Variants in SLC7A2 observed in about 807,000 individuals in gnomAD.
SLC7A2 encodes solute carrier family 7 member 2.
A neutral mutation model predicts 58.9 loss-of-function variants in SLC7A2; 48 were observed. The ratio of observed to expected loss-of-function variants is 0.82; its 90% confidence interval spans 0.65 to 1.04. SLC7A2 has a LOEUF of 1.04. Among genes scored for constraint, SLC7A2 ranks in the 50% least tolerant of loss-of-function variants. The pLI is 0.00. For synonymous variants in SLC7A2, 363 were observed against 314.5 expected (o/e 1.15, Z -1.63); for missense variants, 1,029 against 818.8 (o/e 1.26, Z -3.13).
At position 17,514,739 on chromosome 8, in the gene SLC7A2, C is replaced by A. The variant is rs118009651; in HGVS notation, c.-23+12437C>A. On this transcript the variant is annotated intron_variant, in intron 2 of 12. Coordinates refer to ENST00000494857, the MANE Select transcript of SLC7A2 (RefSeq NM_001370338.1). ...GAAATGTTCAATAAAGGCCTCATTC[C>A]TAAGCAGATTCTACTTGTTCAAGTT... Among the ~76,000 whole-genome samples, 229 of 152,288 alleles carry A rather than the reference C, an allele frequency of 1.5e-3. 3 individuals carry two copies. The highest frequency in any genetic ancestry group is 2.2e-3 in the Admixed American group (34 of 15,284).
At chr8:17,546,081 G>T (rs1802159835) in intron 4 of SLC7A2, among the ~76,000 whole-genome samples, 1 of 152,154 alleles carries the variant, frequency 6.6e-6, no homozygotes, top group African/African-American at 2.4e-5. Context: ...ACAAAGAATT[G>T]ATTTTTGTTT....
At position 17,543,370 on chromosome 8, in the gene SLC7A2, G is replaced by A. The variant is rs1315887198; in HGVS notation, c.31G>A (p.Ala11Thr). The change falls in exon 3 of 13, where the codon GCC (alanine) becomes ACC (threonine). Residue 11 changes from alanine (A) to threonine (T), a missense_variant. Transcript: ENST00000494857. ...TCCTTGCAGAGCCGCGCTGACCTTT[G>A]CCCGATGTCTGATCCGGAGAAAAAT... MIPCRAALTFARCLIRRKIVT... is the reference protein window; with the variant it reads MIPCRAALTFTRCLIRRKIVT... 1.9e-6 allele frequency: 3 copies of A among 1,614,044 alleles called. No homozygotes were observed. The highest frequency in any genetic ancestry group is 2.5e-6 in the Non-Finnish European group (3 of 1,179,994).
intron 7 of SLC7A2, among the ~76,000 whole-genome samples, chr8:17,552,697 A>T (rs1802510908): frequency 6.6e-6 from 1 of 152,012 alleles, no homozygotes; most frequent in African/African-American, 2.4e-5. Context: ...AGGGTCATTG[A>T]ATCCCAAGTT....
intron 2 of SLC7A2, chr8:17,538,733 A>T (rs1801779571): frequency 1.3e-6 from 2 of 1,496,394 alleles, no homozygotes; most frequent in South Asian, 1.2e-5. Flanking sequence ...TATGGTAAAG[A>T]TCCCTACTTA....
intron 2 of SLC7A2, among the ~76,000 whole-genome samples, chr8:17,534,173 A>G (rs1801569295): frequency 6.6e-6 from 1 of 152,162 alleles, no homozygotes. Flanking sequence ...ATTGATGGGC[A>G]CAGGCTATTT....
intron 2 of SLC7A2, among the ~76,000 whole-genome samples, chr8:17,521,957 A>G (rs147502744): frequency 6.0e-4 from 92 of 152,326 alleles, no homozygotes; most frequent in Non-Finnish European, 1.2e-3. Flanking sequence ...AACAGAGGCT[A>G]CAGAATCTTA....
chr8:17,501,346 A>C (rs1475031375), intron 1 of SLC7A2, among the ~76,000 whole-genome samples: 1 of 152,152 alleles, frequency 6.6e-6, no homozygotes, highest in Non-Finnish European at 1.5e-5. Context: ...AATATTTCTG[A>C]GAAAGGCCTC....
intron 2 of SLC7A2, among the ~76,000 whole-genome samples, chr8:17,540,816 T>TA (rs1306036268): frequency 1.3e-5 from 2 of 152,172 alleles, no homozygotes; most frequent in South Asian, 2.1e-4. Context: ...AAAAAGGATT[T>TA]AAAAAAAGTT....
At position 17,552,944 on chromosome 8, in the gene SLC7A2, T is replaced by A. The variant is rs75019152; in HGVS notation, c.1055+958T>A. ...TAGAAAAAGAAGTCTTTTAGTGTAA[T>A]TCACCAGCCTAGCTTTATTTTTTCC... On this transcript the variant is annotated intron_variant, in intron 7 of 12. Transcript: ENST00000494857. 1.0e-3 allele frequency among the ~76,000 whole-genome samples: 156 copies of A among 152,360 alleles called. 1 individual carries two copies. The East Asian group carries it at 0.026, about 26-fold the overall frequency.
At chr8:17,559,743 G>GACACAGCCAAACCATA (rs1252506723) in intron 9 of SLC7A2, among the ~76,000 whole-genome samples, 2 of 152,146 alleles carry the variant, frequency 1.3e-5, no homozygotes, top group Admixed American at 1.3e-4. Context: ...TTTGGGTGGG[G>GACACAGCCAAACCATA]ACACAGCCAA....
intron 8 of SLC7A2, 161 bp downstream of exon 8, chr8:17,554,860 C>G (rs1001640716): frequency 5.4e-6 from 8 of 1,490,098 alleles, no homozygotes; most frequent in African/African-American, 1.4e-5. Context: ...TCTGCATTTT[C>G]GTGTGTCCAG....
rs73666174 is a variant in SLC7A2, at chr8:17,512,163, G to A, written c.-23+9861G>A. Among the ~76,000 whole-genome samples the A allele has an allele frequency of 2.0e-3, 302 of 152,118 alleles. 2 individuals are homozygous for A. The highest frequency in any genetic ancestry group is 6.9e-3 in the African/African-American group (287 of 41,506). On this transcript the variant is annotated intron_variant, in intron 2 of 12. Transcript: ENST00000494857. ...TATATCGTATGTCAGGCTTTAATTC[G>A]TGTTTCTCTGTCTCTCTATGTGGAG...
intron 2 of SLC7A2, among the ~76,000 whole-genome samples, chr8:17,509,388 C>G (rs1356530561): frequency 6.6e-6 from 1 of 152,094 alleles, no homozygotes; most frequent in Non-Finnish European, 1.5e-5. Context: ...TCATTGCAAC[C>G]TCCGCCTCCC....
In SLC7A2 at chr8:17,551,750, T is replaced by G. The variant is rs1237658785; in HGVS notation, c.833-14T>G. 4 of 1,587,462 alleles carry G rather than the reference T, an allele frequency of 2.5e-6. No homozygotes were observed. The highest frequency in any genetic ancestry group is 3.5e-6 in the Non-Finnish European group (4 of 1,155,998). On this transcript the variant is annotated splice_polypyrimidine_tract_variant and intron_variant, in intron 6 of 12. Transcript: ENST00000494857. ...TTTATTAAGCATACACATCTTTTGT[T>G]TATATTTCCTTAGGTGAAGAAGTTC...
intron 10 of SLC7A2, 36 bp from the exon 11 acceptor site, chr8:17,561,908 G>C: frequency 6.2e-7 from 1 of 1,606,512 alleles, no homozygotes; most frequent in Non-Finnish European, 8.5e-7. Flanking sequence ...GTGGAGCACA[G>C]TGTGCTGACT....
At chr8:17,549,008 C>T (rs896869684) in intron 5 of SLC7A2, among the ~76,000 whole-genome samples, 165 bp downstream of exon 5, 1 of 148,184 alleles carries the variant, frequency 6.7e-6, no homozygotes, top group African/African-American at 2.4e-5. Flanking sequence ...GCTGGGGAAG[C>T]CTCACAATCG....
At chr8:17,495,644 G>A (rs373570970), upstream of SLC7A2, among the ~76,000 whole-genome samples, 1 of 152,242 alleles carries the variant, frequency 6.6e-6, no homozygotes, top group East Asian at 1.9e-4. Context: ...CCGCCTCCTG[G>A]GCTCAAGCGA....
intron 2 of SLC7A2, among the ~76,000 whole-genome samples, chr8:17,505,755 T>G (rs1296596492): frequency 6.6e-6 from 1 of 152,216 alleles, no homozygotes; most frequent in African/African-American, 2.4e-5. Context: ...ATTTGAAATC[T>G]AATCTTGCCA....
chr8:17,539,799 A>G (rs192766868), intron 2 of SLC7A2, among the ~76,000 whole-genome samples: 47 of 152,278 alleles, frequency 3.1e-4, no homozygotes, highest in African/African-American at 1.1e-3. Flanking sequence ...CTCCAGATTA[A>G]TGGAATCACC....
Sources: allele counts gnomAD v4.1 joint callset (sites outside exome capture counted in the v4.1 genomes callset), GRCh38; gene constraint gnomAD v4.1.1; transcripts MANE v1.5; gene names NCBI Gene and HGNC (gene_info 2026-07-23, HGNC 2026-07-21).